The following CDH13 variants were observed in gnomAD, a reference collection of about 807,000 sequenced individuals.
CDH13 encodes the protein cadherin 13.
CDH13 carries 24 observed loss-of-function variants against 63.8 expected under a neutral mutation model. The observed-to-expected ratio is 0.38, with a 90% CI of 0.27 to 0.53. The LOEUF is 0.53. CDH13 is among the 20% of genes least tolerant of loss of function. The pLI is 0.85. For synonymous variants in CDH13, 503 were observed against 355.3 expected (o/e 1.42, Z -4.67); for missense variants, 1,049 against 903.1 (o/e 1.16, Z -2.07).
At chr16:83,328,581 A>T (rs1314761349) in intron 5 of CDH13, among the ~76,000 whole-genome samples, 2 of 152,192 alleles carry the variant, frequency 1.3e-5, no homozygotes, top group Non-Finnish European at 2.9e-5. Flanking sequence ...GCAACTCAGA[A>T]ACAATTTACT....
intron 2 of CDH13, among the ~76,000 whole-genome samples, chr16:82,956,637 C>A (rs933407641): frequency 1.2e-4 from 18 of 152,184 alleles, no homozygotes; most frequent in African/African-American, 3.9e-4. Flanking sequence ...TGACCCAGCC[C>A]CTGATGCCAT....
chr16:82,885,149 T>C (rs947788361), intron 2 of CDH13, among the ~76,000 whole-genome samples: 6 of 152,240 alleles, frequency 3.9e-5, no homozygotes, highest in African/African-American at 1.4e-4. Flanking sequence ...GATACAAAGA[T>C]GGATGCATAA....
At chr16:83,458,816 G>A (rs17289333) in intron 6 of CDH13, among the ~76,000 whole-genome samples, 4 of 152,178 alleles carry the variant, frequency 2.6e-5, no homozygotes, top group African/African-American at 9.6e-5. Flanking sequence ...AGCACCGGTT[G>A]TCTCTTTCTC....
chr16:83,470,730 C>T (rs766793608), intron 6 of CDH13, among the ~76,000 whole-genome samples: 1 of 152,238 alleles, frequency 6.6e-6, no homozygotes, highest in Non-Finnish European at 1.5e-5. Flanking sequence ...TGCACGTCCT[C>T]TGCCTCTCAT....
intron 6 of CDH13, among the ~76,000 whole-genome samples, chr16:83,408,378 T>G (rs2092078215): frequency 6.6e-6 from 1 of 152,206 alleles, no homozygotes; most frequent in Non-Finnish European, 1.5e-5. Flanking sequence ...CATCATATAG[T>G]GCACTTACGC....
intron 4 of CDH13, among the ~76,000 whole-genome samples, chr16:83,191,544 T>TGC (rs2038714142): frequency 2.8e-5 from 4 of 140,726 alleles, no homozygotes; most frequent in South Asian, 2.3e-4. Flanking sequence ...TATATATATA[T>TGC]ATATATATAT....
intron 9 of CDH13, among the ~76,000 whole-genome samples, chr16:83,672,552 G>A (rs1361712821): frequency 6.7e-6 from 1 of 148,926 alleles, no homozygotes; most frequent in East Asian, 2.0e-4. Flanking sequence ...AGTCTCCCGA[G>A]TAGCTGGGAT....
intron 3 of CDH13, among the ~76,000 whole-genome samples, chr16:83,076,191 T>A (rs562676858): frequency 2.6e-5 from 4 of 152,218 alleles, no homozygotes; most frequent in Non-Finnish European, 5.9e-5. Context: ...CAGGCTTTTT[T>A]ACTCAGGCAC....
At chr16:82,890,801 A>C (rs2041054642) in intron 2 of CDH13, among the ~76,000 whole-genome samples, 1 of 151,924 alleles carries the variant, frequency 6.6e-6, no homozygotes, top group Non-Finnish European at 1.5e-5. Flanking sequence ...ATATGCATGC[A>C]CCACCACGCC....
intron 7 of CDH13, among the ~76,000 whole-genome samples, chr16:83,499,029 T>G (rs990618945): frequency 6.6e-6 from 1 of 152,188 alleles, no homozygotes; most frequent in Admixed American, 6.5e-5. Flanking sequence ...ACCCCTAGTG[T>G]TTTTTGATGC....
chr16:83,159,035 A>G (rs2037335638), intron 4 of CDH13, among the ~76,000 whole-genome samples: 2 of 151,988 alleles, frequency 1.3e-5, no homozygotes, highest in South Asian at 4.1e-4. Context: ...CACAATTCCT[A>G]CATAGTCAGA....
chr16:83,067,885 T>G (rs2032138761), intron 3 of CDH13, among the ~76,000 whole-genome samples: 2 of 152,118 alleles, frequency 1.3e-5, no homozygotes, highest in Admixed American at 1.3e-4. Context: ...CTATCCTCCA[T>G]TTCGCCACCT....
At chr16:82,917,370 A>G (rs1436035139) in intron 2 of CDH13, among the ~76,000 whole-genome samples, 1 of 152,152 alleles carries the variant, frequency 6.6e-6, no homozygotes, top group Non-Finnish European at 1.5e-5. Flanking sequence ...AAATTTAGAT[A>G]TGTTAAAACT....
At chr16:82,836,950 A>G (rs2038793402) in intron 1 of CDH13, among the ~76,000 whole-genome samples, 1 of 152,232 alleles carries the variant, frequency 6.6e-6, no homozygotes, top group African/African-American at 2.4e-5. Context: ...CCAAATCTTA[A>G]TAGTCTTTCT....
chr16:83,253,217 T>G (rs1905796447), intron 5 of CDH13, among the ~76,000 whole-genome samples: 1 of 152,190 alleles, frequency 6.6e-6, no homozygotes, highest in Non-Finnish European at 1.5e-5. Flanking sequence ...ATTTTTCTAT[T>G]TTATGATTCC....
chr16:83,465,739 T>A (rs1439197465), intron 6 of CDH13, among the ~76,000 whole-genome samples: 1 of 152,204 alleles, frequency 6.6e-6, no homozygotes. Context: ...TAGGATGAGA[T>A]TAGAAGCAAA....
chr16:82,818,202 C>T (rs1597693632), intron 1 of CDH13, among the ~76,000 whole-genome samples: 2 of 152,036 alleles, frequency 1.3e-5, no homozygotes, highest in South Asian at 4.1e-4. Context: ...TAGATCACAA[C>T]CCTGCTCTGC....
chr16:82,659,580 T>C (rs1386703925), intron 1 of CDH13, among the ~76,000 whole-genome samples: 1 of 152,202 alleles, frequency 6.6e-6, no homozygotes, highest in East Asian at 1.9e-4. Context: ...ATAACTCCCC[T>C]ATTGGGAATT....
intron 1 of CDH13, among the ~76,000 whole-genome samples, chr16:82,641,921 C>T (rs187736244): frequency 2.1e-4 from 32 of 152,022 alleles, no homozygotes; most frequent in African/African-American, 4.6e-4. Context: ...AGAAAGCAGG[C>T]GAGGGGGTAG....
Sources: allele counts gnomAD v4.1 joint callset (sites outside exome capture counted in the v4.1 genomes callset), GRCh38; gene constraint gnomAD v4.1.1; transcripts MANE v1.5; gene names NCBI Gene and HGNC (gene_info 2026-07-23, HGNC 2026-07-21).